Variants in MT4 observed in about 807,000 individuals in gnomAD.
MT4 encodes the protein metallothionein-4.
A neutral mutation model predicts 9.5 loss-of-function variants in MT4; 11 were observed. That is an observed-to-expected ratio of 1.16 (90% CI 0.73 to 1.92). MT4 has a LOEUF of 1.92. Among genes scored for constraint, MT4 ranks in the 30% most tolerant of loss-of-function variants. The pLI is 0.00. For synonymous variants in MT4, 29 were observed against 24.6 expected (o/e 1.18, Z -0.53); for missense variants, 88 against 78.7 (o/e 1.12, Z -0.45).
chr16:56,565,138 A>G lies in MT4; in HGVS notation c.10A>G (p.Arg4Gly). The change falls in exon 1 of 3, where the codon AGG (arginine) becomes GGG (glycine). Residue 4 changes from arginine to glycine, a missense_variant. Physicochemically the swap from Arg to Gly is moderately radical, Grantham distance 125. Transcript: ENST00000219162. MDP[R>G]ECVCMSGGIC... ...TTCGGACACCTGGACCATGGACCCC[A>G]GGGAATGTGTCTGCATGTCTGGTGA... 1.2e-6 allele frequency: 2 copies of G among 1,613,134 alleles called. No individual in the cohort carries two copies. Among genetic ancestry groups the G allele is most frequent in the Non-Finnish European group, 1.7e-6 (2 of 1,179,590 alleles).
chr16:56,566,730 G>GA (rs1224549500), intron 1 of MT4, among the ~76,000 whole-genome samples: 1 of 32,744 alleles, frequency 3.1e-5, no homozygotes, highest in African/African-American at 9.1e-5. Flanking sequence ...AAGAAAGAAA[G>GA]AAAGAAAGAA....
chr16:56,567,721 C>G (rs769262367), intron 1 of MT4, 30 bp from the exon 2 acceptor site: 2 of 1,606,826 alleles, frequency 1.2e-6, no homozygotes, highest in Admixed American at 3.3e-5. Context: ...TCCATCCTCA[C>G]GTTTGTGGTG....
At chr16:56,565,945 T>A (rs975069566) in intron 1 of MT4, among the ~76,000 whole-genome samples, 7 of 151,608 alleles carry the variant, frequency 4.6e-5, no homozygotes, top group Admixed American at 3.9e-4. Flanking sequence ...TGCACCTTAG[T>A]CCCAGCTACT....
chr16:56,568,747 C>T, intron 2 of MT4, 94 bp from the exon 3 acceptor site: 1 of 842,450 alleles, frequency 1.2e-6, no homozygotes, highest in African/African-American at 1.7e-5. Context: ...TGCACACACC[C>T]CTCTTTTCCT....
At chr16:56,568,545 G>A (rs953084131) in intron 2 of MT4, among the ~76,000 whole-genome samples, 6 of 152,078 alleles carry the variant, frequency 3.9e-5, no homozygotes, top group African/African-American at 1.4e-4. Flanking sequence ...GTGGTAACAG[G>A]GATAGAGCAC....
chr16:56,566,714 GAA>G (rs751264484), intron 1 of MT4, among the ~76,000 whole-genome samples: 1 of 20,770 alleles, frequency 4.8e-5, no homozygotes. Flanking sequence ...AAGAAAGAAA[GAA>G]AGAAAGAAAG....
intron 1 of MT4, among the ~76,000 whole-genome samples, chr16:56,567,386 G>A (rs749770421): frequency 4.6e-5 from 7 of 152,096 alleles, no homozygotes; most frequent in South Asian, 2.1e-4. Flanking sequence ...CGCTGGCCTC[G>A]TCTGTTGGTT....
At chr16:56,565,310 TG>T (rs1242085900) in intron 1 of MT4, 151 bp downstream of exon 1, 4 of 671,674 alleles carry the variant, frequency 6.0e-6, no homozygotes, top group African/African-American at 3.7e-5. Flanking sequence ...TGGCCACCTC[TG>T]GGGCAGCTCC....
chr16:56,566,871 G>A (rs1015677674), intron 1 of MT4, among the ~76,000 whole-genome samples: 8 of 151,194 alleles, frequency 5.3e-5, no homozygotes, highest in Non-Finnish European at 8.8e-5. Context: ...AGGGAGAGAG[G>A]AAGGAAGGAA....
chr16:56,568,931 GA>G lies in MT4; in HGVS notation c.*2del, dbSNP rs1416916745. On this transcript the variant is annotated frameshift_variant and stop_lost, in exon 3 of 3. Transcript: ENST00000219162. LOFTEE classifies it high-confidence loss of function. ...TCAGACAAGTGCAGCTGCTGCCCAT[GA>G]AAGCCATCCATCGTGCCCACCCCTT... ...GGSDKCSCCP[*>X] 3 of 1,600,484 alleles carry G rather than the reference GA, an allele frequency of 1.9e-6. No individual in the cohort carries two copies. In the African/African-American group the frequency reaches 4.0e-5, roughly 21 times the overall value.
intron 2 of MT4, 114 bp downstream of exon 2, chr16:56,567,930 A>G: frequency 1.3e-6 from 1 of 761,720 alleles, no homozygotes; most frequent in Non-Finnish European, 2.2e-6. Context: ...AGGCGGGTGG[A>G]TTACCTGAGG....
intron 1 of MT4, among the ~76,000 whole-genome samples, chr16:56,566,638 G>A (rs1431557246): frequency 2.0e-5 from 3 of 147,348 alleles, no homozygotes; most frequent in Non-Finnish European, 4.5e-5. Flanking sequence ...GGGAGAGAGA[G>A]AGAGAAAGAG....
At chr16:56,565,477 C>A (rs1362270613) in intron 1 of MT4, among the ~76,000 whole-genome samples, 1 of 152,200 alleles carries the variant, frequency 6.6e-6, no homozygotes, top group Non-Finnish European at 1.5e-5. Flanking sequence ...AATCTGGCAA[C>A]CTGGTTTGGG....
chr16:56,567,842 T>G, intron 2 of MT4, 26 bp downstream of exon 2: 1 of 1,600,522 alleles, frequency 6.2e-7, no homozygotes, highest in African/African-American at 1.3e-5. Flanking sequence ...GGGGGCACCA[T>G]GGGCTGGGAG....
chr16:56,568,061 G>A (rs1486585466), intron 2 of MT4, among the ~76,000 whole-genome samples: 2 of 151,572 alleles, frequency 1.3e-5, no homozygotes, highest in Non-Finnish European at 2.9e-5. Flanking sequence ...GCTGAGGCAG[G>A]AGAATTGCTT....
intron 2 of MT4, among the ~76,000 whole-genome samples, chr16:56,568,081 A>T (rs1336103358): frequency 6.6e-6 from 1 of 151,322 alleles, no homozygotes; most frequent in African/African-American, 2.4e-5. Flanking sequence ...TGAACCCAGG[A>T]GGCAGAGGTT....
chr16:56,567,735 C>T lies in MT4; in HGVS notation c.32-16C>T. The T allele has an allele frequency of 6.2e-7, 1 of 1,612,370 alleles. No individual in the cohort carries two copies. The highest frequency in any genetic ancestry group is 8.5e-7 in the Non-Finnish European group (1 of 1,178,702). ...CTCCATCCTCACGTTTGTGGTGGCT[C>T]TGTCCTGTCTTCTAGGAGGAATCTG... On this transcript the variant is annotated splice_polypyrimidine_tract_variant and intron_variant, in intron 1 of 2. Coordinates refer to ENST00000219162, the MANE Select transcript of MT4 (RefSeq NM_032935.3).
chr16:56,565,741 T>C (rs931209567), intron 1 of MT4, among the ~76,000 whole-genome samples: 2 of 152,148 alleles, frequency 1.3e-5, no homozygotes, highest in African/African-American at 4.8e-5. Flanking sequence ...AAAGCCATCC[T>C]GGGCTTTTAC....
chr16:56,566,706 GAAAGAAAGAAAGAAAGAAAGAA>G (rs1959524140), intron 1 of MT4, among the ~76,000 whole-genome samples: 1 of 49,156 alleles, frequency 2.0e-5, no homozygotes, highest in East Asian at 9.8e-4. Context: ...GAAAGAGAAA[GAAAGAAAGAAAGAAAGAAAGAA>G]AGAAAGAAAG....
Sources: gnomAD v4.1 joint callset for allele counts (sites outside exome capture counted in the v4.1 genomes callset) on GRCh38, gnomAD v4.1.1 for gene constraint, MANE v1.5 for transcripts, NCBI Gene and HGNC (gene_info 2026-07-23, HGNC 2026-07-21) for gene names.